ACSM3: variants seen among roughly 807,000 people sequenced by gnomAD.
ACSM3 encodes the protein acyl-coenzyme A synthetase ACSM3, mitochondrial.
In ACSM3, 61 loss-of-function variants were observed where a neutral mutation model predicts 74.1. The ratio of observed to expected loss-of-function variants is 0.82; its 90% confidence interval spans 0.67 to 1.02. ACSM3 has a LOEUF of 1.02. ACSM3 is among the 50% of genes least tolerant of loss of function. ACSM3 has a pLI of 0.00. For synonymous variants in ACSM3, 213 were observed against 241.5 expected, an observed-to-expected ratio of 0.88 and a Z score of 1.09; for missense variants, 660 against 697.0, an observed-to-expected ratio of 0.95 and a Z score of 0.60.
At chr16:20,682,165 C>T in intron 1 of ACSM3, 2 of 1,258,962 alleles carry the variant, frequency 1.6e-6, no homozygotes, top group South Asian at 1.3e-5. Flanking sequence ...ATAATAAATA[C>T]ATCCTCCTCA....
chr16:20,761,097 A>G (rs1596504283), upstream of ACSM3, among the ~76,000 whole-genome samples: 1 of 147,444 alleles, frequency 6.8e-6, no homozygotes, highest in Admixed American at 6.7e-5. Context: ...CAATGTATAC[A>G]CATTTTTTTT....
At chr16:20,741,586 T>C (rs1596494252) in intron 1 of ACSM3, 3 of 1,570,344 alleles carry the variant, frequency 1.9e-6, no homozygotes, top group Non-Finnish European at 2.6e-6. Context: ...CGCTCGTTCA[T>C]ATTGCAGGTG....
In ACSM3 at chr16:20,743,009, G is replaced by A. The variant is rs536263525; in HGVS notation, c.-189-6901G>A. Among the ~76,000 whole-genome samples, 8 of 146,406 alleles carry A rather than the reference G, an allele frequency of 5.5e-5. No individual in the cohort carries two copies. The East Asian group carries it at 8.1e-4, about 15-fold the overall frequency. On this transcript the variant is annotated intron_variant, in intron 1 of 3. Transcript: ENST00000561584. ...AGGCTGGAGTGCAGTGGTGCGATCT[G>A]GGCTCACTGCAAGCTCCGCCTCCCA...
intron 1 of ACSM3, among the ~76,000 whole-genome samples, chr16:20,708,663 A>G (rs1279885675): frequency 6.6e-6 from 1 of 152,236 alleles, no homozygotes; most frequent in Non-Finnish European, 1.5e-5. Flanking sequence ...GATTGAAAGA[A>G]TTAATATTGT....
chr16:20,727,019 C>T (rs1429130541), intron 1 of ACSM3, among the ~76,000 whole-genome samples: 1 of 152,190 alleles, frequency 6.6e-6, no homozygotes, highest in East Asian at 1.9e-4. Flanking sequence ...TCAGTATTAG[C>T]TGTTATATCA....
chr16:20,688,583 C>T (rs1408644145), intron 1 of ACSM3, among the ~76,000 whole-genome samples: 2 of 152,056 alleles, frequency 1.3e-5, no homozygotes, highest in East Asian at 3.9e-4. Context: ...GTGGATTTCT[C>T]AGTAGAAACC....
At chr16:20,749,106 A>T (rs2079970841) in intron 1 of ACSM3, among the ~76,000 whole-genome samples, 1 of 152,126 alleles carries the variant, frequency 6.6e-6, no homozygotes, top group African/African-American at 2.4e-5. Flanking sequence ...AGATATGTGT[A>T]ATATGAACTA....
At chr16:20,766,488 A>C (rs1442152282) in intron 1 of ACSM3, 1 of 152,180 alleles carries the variant, frequency 6.6e-6, no homozygotes, top group East Asian at 1.9e-4. Context: ...CAAAGTGCTT[A>C]GCACAGGAGG....
intron 7 of ACSM3, among the ~76,000 whole-genome samples, chr16:20,782,750 TG>T (rs779200247): frequency 6.6e-6 from 1 of 152,190 alleles, no homozygotes; most frequent in Non-Finnish European, 1.5e-5. Context: ...GACCCTTCCT[TG>T]GGTTTAGTAA....
chr16:20,755,949 C>G (rs2080027983), intron 3 of ACSM3, among the ~76,000 whole-genome samples: 1 of 152,064 alleles, frequency 6.6e-6, no homozygotes, highest in Non-Finnish European at 1.5e-5. Flanking sequence ...CGTGTCCCTA[C>G]AAAGGACATG....
intron 3 of ACSM3, among the ~76,000 whole-genome samples, chr16:20,758,642 C>T (rs1353979779): frequency 2.0e-5 from 3 of 151,976 alleles, no homozygotes; most frequent in Admixed American, 1.3e-4. Context: ...CAGTTCTGCT[C>T]GATTTTAGTT....
At chr16:20,782,992 G>A (rs2080386456) in intron 7 of ACSM3, among the ~76,000 whole-genome samples, 1 of 152,122 alleles carries the variant, frequency 6.6e-6, no homozygotes, top group African/African-American at 2.4e-5. Context: ...TTTTTTGGAG[G>A]CTCCATTATG....
chr16:20,696,158 G>A (rs948487476), intron 1 of ACSM3, among the ~76,000 whole-genome samples: 15 of 152,180 alleles, frequency 9.9e-5, no homozygotes, highest in Non-Finnish European at 8.8e-5. Context: ...TATGCTTTGT[G>A]GGTTTGTGTA....
At chr16:20,779,438 AAG>A (rs2080304983) in intron 4 of ACSM3, among the ~76,000 whole-genome samples, 5 of 151,230 alleles carry the variant, frequency 3.3e-5, no homozygotes, top group Admixed American at 3.3e-4. Flanking sequence ...AAAAAAAAAA[AAG>A]AAAAGAAAAG....
At chr16:20,771,895 TTTG>T (rs774367656) in intron 2 of ACSM3, among the ~76,000 whole-genome samples, 3 of 152,184 alleles carry the variant, frequency 2.0e-5, no homozygotes, top group African/African-American at 7.2e-5. Context: ...CTCTCAAGCA[TTTG>T]TTATCTTTTG....
intron 1 of ACSM3, among the ~76,000 whole-genome samples, chr16:20,706,096 G>C (rs1277946494): frequency 1.3e-5 from 2 of 151,746 alleles, no homozygotes; most frequent in Non-Finnish European, 2.9e-5. Context: ...GTGTGTGTGT[G>C]TGTGTGTGTA....
chr16:20,776,105 C>G (rs2080253159), intron 3 of ACSM3, 56 bp downstream of exon 3: 2 of 1,537,946 alleles, frequency 1.3e-6, no homozygotes, highest in Admixed American at 1.7e-5. Context: ...GGGAGATTTT[C>G]CAGAACACCT....
At chr16:20,780,290 C>G (rs2080324580) in intron 4 of ACSM3, 1 of 238,070 alleles carries the variant, frequency 4.2e-6, no homozygotes, top group Non-Finnish European at 8.3e-6. Flanking sequence ...ATGGCTTTTA[C>G]TAACATGTAT....
At chr16:20,795,860 G>A (rs1567367464) in intron 12 of ACSM3, among the ~76,000 whole-genome samples, 1 of 152,196 alleles carries the variant, frequency 6.6e-6, no homozygotes, top group Non-Finnish European at 1.5e-5. Context: ...CCAAAAACTA[G>A]GCAGAGTTTT....
Sources: gnomAD v4.1 joint callset for allele counts (sites outside exome capture counted in the v4.1 genomes callset) on GRCh38, gnomAD v4.1.1 for gene constraint, MANE v1.5 for transcripts, NCBI Gene and HGNC (gene_info 2026-07-23, HGNC 2026-07-21) for gene names.